SUPT3H: variants seen among roughly 807,000 people sequenced by gnomAD.
SUPT3H encodes the protein SPT3 homolog, SAGA and STAGA complex component, also known as transcription initiation protein SPT3 homolog.
SUPT3H carries 44 observed loss-of-function variants against 44.3 expected under a neutral mutation model. The observed-to-expected ratio is 0.99, with a 90% confidence interval of 0.78 to 1.28. The LOEUF (loss-of-function observed/expected upper bound fraction) is 1.28. Among genes scored for constraint, SUPT3H ranks in the 50% most tolerant of loss-of-function variants. The probability of loss-of-function intolerance (pLI) is 0.00; values close to 1 mark genes in which losing one functional copy is unlikely to be tolerated. For synonymous variants in SUPT3H, 124 were observed against 125.6 expected (o/e 0.99, Z 0.09); for missense variants, 380 against 387.1 (o/e 0.98, Z 0.15).
At chr6:44,864,923 C>CTTTTATTTTA (rs1775267968) in intron 10 of SUPT3H, among the ~76,000 whole-genome samples, 4 of 150,770 alleles carry the variant, frequency 2.7e-5, no homozygotes, top group Non-Finnish European at 4.4e-5. Context: ...ATAATGGGAT[C>CTTTTATTTTA]TTCTTTTATA....
intron 2 of SUPT3H, among the ~76,000 whole-genome samples, chr6:45,339,220 T>C (rs1172167665): frequency 1.3e-5 from 2 of 152,142 alleles, no homozygotes; most frequent in Non-Finnish European, 2.9e-5. Flanking sequence ...TATACAAGAC[T>C]TCTTATGTTA....
chr6:45,275,056 G>A (rs901105308), intron 2 of SUPT3H, among the ~76,000 whole-genome samples: 2 of 152,034 alleles, frequency 1.3e-5, no homozygotes, highest in Admixed American at 1.3e-4. Context: ...TGGTATATAT[G>A]TTTTATATGC....
intron 1 of SUPT3H, among the ~76,000 whole-genome samples, chr6:45,372,865 T>C (rs1796278771): frequency 6.6e-6 from 1 of 152,114 alleles, no homozygotes; most frequent in East Asian, 1.9e-4. Flanking sequence ...TCACCCAGGC[T>C]GTAGTGTAAT....
At chr6:45,273,104 A>C (rs994976675) in intron 2 of SUPT3H, among the ~76,000 whole-genome samples, 1 of 152,212 alleles carries the variant, frequency 6.6e-6, no homozygotes, top group Non-Finnish European at 1.5e-5. Flanking sequence ...CAACCTTGGC[A>C]CCCATCGGGT....
chr6:45,138,202 A>T (rs1353019634), intron 2 of SUPT3H, among the ~76,000 whole-genome samples: 1 of 152,140 alleles, frequency 6.6e-6, no homozygotes, highest in Non-Finnish European at 1.5e-5. Flanking sequence ...AGATAATAAG[A>T]AGTGCTAGGG....
chr6:45,176,911 C>G (rs1441995192), intron 2 of SUPT3H, among the ~76,000 whole-genome samples: 1 of 97,356 alleles, frequency 1.0e-5, no homozygotes, highest in African/African-American at 5.4e-5. Flanking sequence ...CACCAAAAAC[C>G]CATCTGTACA....
chr6:45,046,020 T>A (rs1464243006), intron 3 of SUPT3H, among the ~76,000 whole-genome samples: 4 of 152,188 alleles, frequency 2.6e-5, no homozygotes, highest in Admixed American at 2.6e-4. Context: ...GAAAGGGGCA[T>A]CCTTGACTTG....
At chr6:44,899,544 A>T (rs1273753192) in intron 10 of SUPT3H, among the ~76,000 whole-genome samples, 1 of 152,000 alleles carries the variant, frequency 6.6e-6, no homozygotes, top group African/African-American at 2.4e-5. Flanking sequence ...AAAATTAGCC[A>T]GGTGTGGTGG....
chr6:44,975,021 A>G (rs1237397569), intron 6 of SUPT3H, among the ~76,000 whole-genome samples: 3 of 152,034 alleles, frequency 2.0e-5, no homozygotes, highest in Non-Finnish European at 4.4e-5. Flanking sequence ...AAATACAAAA[A>G]TTAGCTGGGC....
chr6:45,108,144 C>T (rs186148211), intron 2 of SUPT3H, among the ~76,000 whole-genome samples: 1 of 152,128 alleles, frequency 6.6e-6, no homozygotes, highest in East Asian at 1.9e-4. Context: ...CTATTCAACA[C>T]AATACTGTAA....
intron 2 of SUPT3H, among the ~76,000 whole-genome samples, chr6:45,222,654 C>T (rs1766251605): frequency 6.6e-6 from 1 of 152,056 alleles, no homozygotes; most frequent in Non-Finnish European, 1.5e-5. Flanking sequence ...AAAAATTAAA[C>T]ACACAATTAC....
At chr6:45,369,531 T>A (rs966358822) in intron 1 of SUPT3H, among the ~76,000 whole-genome samples, 1 of 152,046 alleles carries the variant, frequency 6.6e-6, no homozygotes, top group East Asian at 1.9e-4. Context: ...TCCAGAGAAA[T>A]AAAAAGCTAT....
intron 3 of SUPT3H, among the ~76,000 whole-genome samples, chr6:45,063,404 C>G (rs567745411): frequency 1.3e-5 from 2 of 151,078 alleles, no homozygotes; most frequent in African/African-American, 4.9e-5. Context: ...CAGAGCGTCT[C>G]TCCTCCTCCA....
At chr6:44,811,297 G>C (rs538384711) in intron 11 of SUPT3H, among the ~76,000 whole-genome samples, 1 of 152,182 alleles carries the variant, frequency 6.6e-6, no homozygotes, top group East Asian at 1.9e-4. Flanking sequence ...AGGGGTTATG[G>C]GTTATTGGGA....
intron 10 of SUPT3H, among the ~76,000 whole-genome samples, chr6:44,870,218 G>T (rs1219929106): frequency 6.6e-6 from 1 of 152,122 alleles, no homozygotes; most frequent in Non-Finnish European, 1.5e-5. Context: ...TCACAAAACA[G>T]CTCTTTCAAT....
At chr6:45,187,816 G>A (rs1244760939) in intron 2 of SUPT3H, among the ~76,000 whole-genome samples, 2 of 152,140 alleles carry the variant, frequency 1.3e-5, no homozygotes, top group Non-Finnish European at 2.9e-5. Flanking sequence ...TCAACAAAAT[G>A]TTAGCAAATC....
intron 10 of SUPT3H, among the ~76,000 whole-genome samples, chr6:44,905,362 T>C (rs1248008943): frequency 6.6e-6 from 1 of 152,038 alleles, no homozygotes; most frequent in Non-Finnish European, 1.5e-5. Flanking sequence ...GGGCAAAGGA[T>C]ACGAACAGAC....
At chr6:44,865,355 C>T (rs976962558) in intron 10 of SUPT3H, among the ~76,000 whole-genome samples, 2 of 152,178 alleles carry the variant, frequency 1.3e-5, no homozygotes, top group African/African-American at 4.8e-5. Context: ...AAGTCACTTC[C>T]ACATTTTCAG....
At chr6:44,968,884 A>T (rs1777155241) in intron 6 of SUPT3H, among the ~76,000 whole-genome samples, 1 of 152,098 alleles carries the variant, frequency 6.6e-6, no homozygotes, top group Non-Finnish European at 1.5e-5. Flanking sequence ...ATTCTACCTC[A>T]GCACACATTG....
Sources: allele counts gnomAD v4.1 joint callset (sites outside exome capture counted in the v4.1 genomes callset), GRCh38; gene constraint gnomAD v4.1.1; transcripts MANE v1.5; gene names NCBI Gene and HGNC (gene_info 2026-07-23, HGNC 2026-07-21).